Variants in C3orf20 observed in about 807,000 individuals in gnomAD.
C3orf20 encodes uncharacterized protein C3orf20.
A neutral mutation model predicts 88.3 loss-of-function variants in C3orf20; 76 were observed. The observed-to-expected ratio is 0.86, with a 90% CI of 0.72 to 1.04. C3orf20 has a LOEUF of 1.04. Among genes scored for constraint, C3orf20 ranks in the 50% least tolerant of loss-of-function variants. The pLI is 0.00. For missense variants in C3orf20, 1,056 were observed against 1,123.3 expected (o/e 0.94, Z 0.86); for synonymous variants, 436 against 437.4 (o/e 1.00, Z 0.04).
intron 1 of C3orf20, among the ~76,000 whole-genome samples, chr3:14,678,026 G>A (rs1046874912): frequency 6.6e-6 from 1 of 150,860 alleles, no homozygotes; most frequent in African/African-American, 2.4e-5. Context: ...CTCTCACCTG[G>A]TCCTACCCTC....
chr3:14,751,920 A>G (rs1201523544), intron 12 of C3orf20, among the ~76,000 whole-genome samples: 1 of 152,234 alleles, frequency 6.6e-6, no homozygotes, highest in African/African-American at 2.4e-5. Flanking sequence ...GATAATTTAT[A>G]CATTCAATGC....
chr3:14,721,352 A>G (rs1049687935), intron 9 of C3orf20, among the ~76,000 whole-genome samples: 4 of 152,240 alleles, frequency 2.6e-5, no homozygotes, highest in African/African-American at 4.8e-5. Flanking sequence ...CATCTTTACC[A>G]GAACTGAAGC....
chr3:14,706,274 C>T (rs1311958640), intron 7 of C3orf20, among the ~76,000 whole-genome samples: 1 of 151,988 alleles, frequency 6.6e-6, no homozygotes, highest in Non-Finnish European at 1.5e-5. Flanking sequence ...GCAGCGCATC[C>T]CTCCAGTATT....
intron 13 of C3orf20, among the ~76,000 whole-genome samples, chr3:14,758,692 C>T (rs1001421052): frequency 6.6e-6 from 1 of 152,184 alleles, no homozygotes; most frequent in East Asian, 1.9e-4. Context: ...TCTGCATGGA[C>T]ACCCTCCTCC....
In C3orf20 at chr3:14,690,111, A is replaced by G. The variant is rs1270622713; in HGVS notation, c.740A>G (p.Lys247Arg). 13 of 1,613,950 alleles carry G rather than the reference A, an allele frequency of 8.1e-6. No individual in the cohort carries two copies. The East Asian group carries it at 2.2e-4, about 28-fold the overall frequency. The change falls in exon 5 of 17, where the codon AAA becomes AGA. Residue 247 changes from lysine to arginine, a missense_variant. Lys to Arg is a conservative substitution (Grantham distance 26). Coordinates refer to ENST00000253697, the MANE Select transcript of C3orf20 (RefSeq NM_032137.5). ...SLSAGKEAKKKIGKSRTTEDV... is the reference protein window; with the variant it reads ...SLSAGKEAKKRIGKSRTTEDV... ...TCTGCTGGAAAAGAAGCCAAGAAGA[A>G]AATAGGTAAAAATGGTTCCTCGTGG...
rs1559454246 is a variant in C3orf20 at position 14,772,847 on chromosome 3, G to A, written c.2687G>A (p.Ser896Asn). Residue 896 changes from serine to asparagine, a missense_variant, in exon 17 of 17, where the codon AGT becomes AAT. Physicochemically the swap from Ser to Asn is conservative, Grantham distance 46 (BLOSUM62 1). Transcript: ENST00000253697. The surrounding 1 kb of genome is among the most constrained non-coding windows in gnomAD (Gnocchi z 4.2). Reference sequence around the variant, plus strand: ...CTCAGCAGGGACAGCAAGATAACTAGTTGGAAGAAGCAGGCCTCCAAGAAG... The same window carrying A: ...CTCAGCAGGGACAGCAAGATAACTAATTGGAAGAAGCAGGCCTCCAAGAAG... ...HPLSRDSKIT[S>N]WKKQASKK The A allele has an allele frequency of 1.9e-6, 3 of 1,614,002 alleles. No homozygotes were observed. Among genetic ancestry groups the A allele is most frequent in the Non-Finnish European group, 2.5e-6 (3 of 1,179,998 alleles).
At chr3:14,716,410 G>T (rs1227478001) in intron 9 of C3orf20, among the ~76,000 whole-genome samples, 1 of 152,164 alleles carries the variant, frequency 6.6e-6, no homozygotes, top group Non-Finnish European at 1.5e-5. Flanking sequence ...GAGGGTTGTG[G>T]ACACAAGCAC....
chr3:14,710,541 G>C (rs1469681684), intron 7 of C3orf20, among the ~76,000 whole-genome samples: 1 of 151,956 alleles, frequency 6.6e-6, no homozygotes, highest in Non-Finnish European at 1.5e-5. Context: ...TTGACATGTT[G>C]TGTTTTGTTT....
intron 7 of C3orf20, among the ~76,000 whole-genome samples, chr3:14,706,975 C>T (rs368356272): frequency 6.6e-6 from 1 of 151,966 alleles, no homozygotes; most frequent in African/African-American, 2.4e-5. Flanking sequence ...CTGGGCCGGG[C>T]GTGGTGGCTC....
At chr3:14,729,837 A>G (rs2034479009) in intron 12 of C3orf20, among the ~76,000 whole-genome samples, 1 of 152,232 alleles carries the variant, frequency 6.6e-6, no homozygotes, top group African/African-American at 2.4e-5. Context: ...GAGCCACTGC[A>G]CCTGGCCTGG....
chr3:14,676,893 T>C (rs115632648), intron 1 of C3orf20, among the ~76,000 whole-genome samples: 159 of 152,366 alleles, frequency 1.0e-3, no homozygotes, highest in African/African-American at 3.6e-3. Flanking sequence ...TAAGATCCAC[T>C]TCTCTCTAGC....
chr3:14,735,533 A>G (rs1027910845), intron 12 of C3orf20, among the ~76,000 whole-genome samples: 2 of 151,836 alleles, frequency 1.3e-5, no homozygotes, highest in African/African-American at 4.8e-5. Flanking sequence ...GTTTTGCACT[A>G]TTGTTGTCAT....
intron 15 of C3orf20, among the ~76,000 whole-genome samples, chr3:14,766,737 G>A (rs1197386072): frequency 6.6e-6 from 1 of 152,232 alleles, no homozygotes; most frequent in Non-Finnish European, 1.5e-5. Flanking sequence ...CACCAGGCAG[G>A]GAGGGCAGTT....
chr3:14,756,726 C>T (rs940742361), intron 12 of C3orf20, among the ~76,000 whole-genome samples: 1 of 152,246 alleles, frequency 6.6e-6, no homozygotes, highest in Non-Finnish European at 1.5e-5. Context: ...TGAGCAAAGG[C>T]AGGAATGCTG....
chr3:14,757,627 ACT>A lies in C3orf20; in HGVS notation c.2202_2203del (p.Tyr735GlnfsTer17), dbSNP rs1559444427. 4 of 1,612,682 alleles carry A rather than the reference ACT, an allele frequency of 2.5e-6. No homozygotes were observed. Among genetic ancestry groups the A allele is most frequent in the Middle Eastern group, 3.3e-4 (2 of 6,080 alleles). Reference protein sequence around the residue: ...STGQLQWLLNTLYNHQQRGRG... With the variant: ...STGQLQWLLNXLYNHQQRGRG... ...TGGGCAGCTCCAGTGGCTGCTGAAC[ACT>A]CTCTACAACCACCAGCAGCGGGGCC... is the stretch of plus-strand genomic sequence containing the variant. On this transcript the variant is annotated frameshift_variant, in exon 13 of 17. Coordinates refer to ENST00000253697, the MANE Select transcript of C3orf20 (RefSeq NM_032137.5). LOFTEE classifies it high-confidence loss of function.
chr3:14,761,880 T>C (rs538704855), intron 15 of C3orf20, among the ~76,000 whole-genome samples: 132 of 152,084 alleles, frequency 8.7e-4, no homozygotes, highest in African/African-American at 3.1e-3. Flanking sequence ...GTTGTGGGTT[T>C]CTTTGGGACA....
intron 8 of C3orf20, 138 bp from the exon 9 acceptor site, chr3:14,715,151 A>C: frequency 9.5e-7 from 1 of 1,054,550 alleles, no homozygotes; most frequent in Non-Finnish European, 1.3e-6. Flanking sequence ...CAAGTGGGGA[A>C]AGTAAGGTTG....
chr3:14,743,269 T>C (rs1405543172), intron 12 of C3orf20, among the ~76,000 whole-genome samples: 1 of 151,680 alleles, frequency 6.6e-6, no homozygotes. Flanking sequence ...AACAAAGGGG[T>C]TACAGGGCCC....
At chr3:14,755,258 T>G (rs2035330284) in intron 12 of C3orf20, among the ~76,000 whole-genome samples, 1 of 152,206 alleles carries the variant, frequency 6.6e-6, no homozygotes, top group African/African-American at 2.4e-5. Context: ...GTGTATTTTT[T>G]TTGCCACAGA....
Sources: gnomAD v4.1 joint callset for allele counts (sites outside exome capture counted in the v4.1 genomes callset) on GRCh38, gnomAD v4.1.1 for gene constraint, Gnocchi (gnomAD v3.1) non-coding constraint, MANE v1.5 for transcripts, NCBI Gene and HGNC (gene_info 2026-07-23, HGNC 2026-07-21) for gene names.